The following AUH variants were observed in gnomAD, a reference collection of about 807,000 sequenced individuals.
AUH encodes methylglutaconyl-CoA hydratase, mitochondrial.
AUH carries 29 observed loss-of-function variants against 42.3 expected under a neutral mutation model. The observed-to-expected ratio is 0.69, with a 90% CI of 0.51 to 0.93. The LOEUF (loss-of-function observed/expected upper bound fraction) is 0.93. AUH is among the 40% of genes least tolerant of loss of function. The probability of loss-of-function intolerance (pLI) is 0.00; values close to 1 mark genes in which losing one functional copy is unlikely to be tolerated. For synonymous variants in AUH, 174 were observed against 166.4 expected, an observed-to-expected ratio of 1.05 and a Z score of -0.35; for missense variants, 452 against 438.1, an observed-to-expected ratio of 1.03 and a Z score of -0.28.
chr9:91,252,537 T>G (rs1434336359), intron 6 of AUH, among the ~76,000 whole-genome samples: 1 of 152,138 alleles, frequency 6.6e-6, no homozygotes, highest in Non-Finnish European at 1.5e-5. Context: ...CATCCATCAC[T>G]ACGCTACCTC....
intron 6 of AUH, among the ~76,000 whole-genome samples, chr9:91,287,227 T>G (rs568802642): frequency 6.6e-6 from 1 of 152,210 alleles, no homozygotes; most frequent in Admixed American, 6.5e-5. Context: ...AAATGAATAA[T>G]CTTAATTTAT....
intron 3 of AUH, among the ~76,000 whole-genome samples, chr9:91,340,604 T>C (rs1029914932): frequency 6.6e-6 from 1 of 152,212 alleles, no homozygotes; most frequent in Non-Finnish European, 1.5e-5. Context: ...CAAATGACAC[T>C]ATCACTGAAC....
At chr9:91,337,584 C>T (rs894229017) in intron 3 of AUH, among the ~76,000 whole-genome samples, 1 of 152,140 alleles carries the variant, frequency 6.6e-6, no homozygotes, top group Admixed American at 6.5e-5. Context: ...ATATGGGGCC[C>T]AGAACTGAAG....
chr9:91,232,290 T>C lies in AUH; in HGVS notation c.656-11298A>G, dbSNP rs114424859. Among the ~76,000 whole-genome samples the C allele has an allele frequency of 1.6e-3, 240 of 152,258 alleles. 1 individual carries two copies. The highest frequency in any genetic ancestry group is 5.4e-3 in the African/African-American group (223 of 41,546). On this transcript the variant is annotated intron_variant, in intron 6 of 9. Transcript: ENST00000375731. The stretch of plus-strand genomic sequence containing the variant: ...ACGGAGGCTGAGGCAGGAGGATTAT[T>C]TGAGCCTAGGAAGTGGATGCTACAG...
chr9:91,325,272 T>G (rs778786531), intron 4 of AUH, 46 bp downstream of exon 4: 2 of 1,498,544 alleles, frequency 1.3e-6, no homozygotes, highest in Non-Finnish European at 1.9e-6. Context: ...ATGTGACATT[T>G]AAGAACCCCT....
intron 6 of AUH, among the ~76,000 whole-genome samples, chr9:91,240,303 C>T (rs1828435683): frequency 6.6e-6 from 1 of 152,226 alleles, no homozygotes; most frequent in East Asian, 1.9e-4. Flanking sequence ...CCTTTGAGTG[C>T]TGTCTTGAGG....
At chr9:91,313,819 C>T (rs1218063862) in intron 4 of AUH, among the ~76,000 whole-genome samples, 1 of 131,090 alleles carries the variant, frequency 7.6e-6, no homozygotes, top group Non-Finnish European at 1.6e-5. Context: ...GGTCCATAAA[C>T]GCTCTTTTTT....
chr9:91,327,856 T>G (rs1260963249), intron 3 of AUH, among the ~76,000 whole-genome samples: 2 of 152,186 alleles, frequency 1.3e-5, no homozygotes, highest in African/African-American at 4.8e-5. Flanking sequence ...TGGTTTTATC[T>G]CTGAGTTTTT....
intron 3 of AUH, among the ~76,000 whole-genome samples, chr9:91,349,679 G>GACACAC (rs35888854): frequency 6.7e-6 from 1 of 149,070 alleles, no homozygotes; most frequent in African/African-American, 2.5e-5. Context: ...CAGAGAGACA[G>GACACAC]ACACACACAC....
intron 6 of AUH, among the ~76,000 whole-genome samples, chr9:91,272,003 A>G (rs1289764826): frequency 6.6e-6 from 1 of 152,172 alleles, no homozygotes; most frequent in Non-Finnish European, 1.5e-5. Flanking sequence ...CTAATTTTCT[A>G]TAATTCCAAG....
intron 7 of AUH, among the ~76,000 whole-genome samples, chr9:91,218,355 C>A (rs1020841295): frequency 6.6e-6 from 1 of 152,158 alleles, no homozygotes; most frequent in Non-Finnish European, 1.5e-5. Context: ...TAGACACCAC[C>A]ACCATTTTTT....
chr9:91,327,312 C>A (rs1564104670), intron 3 of AUH, among the ~76,000 whole-genome samples: 1 of 152,150 alleles, frequency 6.6e-6, no homozygotes, highest in Non-Finnish European at 1.5e-5. Context: ...AGTCTAAAAA[C>A]CGAGCTGCTG....
chr9:91,290,006 G>T (rs1253248233), intron 6 of AUH, among the ~76,000 whole-genome samples: 1 of 151,992 alleles, frequency 6.6e-6, no homozygotes. Flanking sequence ...TAACGAAAAT[G>T]AATCTGATTT....
intron 3 of AUH, among the ~76,000 whole-genome samples, chr9:91,351,035 C>T (rs941568243): frequency 1.8e-4 from 28 of 151,872 alleles, no homozygotes; most frequent in Middle Eastern, 3.4e-3. Flanking sequence ...TGCAGTGGCA[C>T]AATCACGGCT....
At chr9:91,248,055 G>T (rs1424252360) in intron 6 of AUH, among the ~76,000 whole-genome samples, 1 of 152,116 alleles carries the variant, frequency 6.6e-6, no homozygotes, top group East Asian at 1.9e-4. Context: ...TGTGGATCAT[G>T]TTCTTGGTGT....
At chr9:91,257,164 C>T (rs993128467) in intron 6 of AUH, among the ~76,000 whole-genome samples, 9 of 152,068 alleles carry the variant, frequency 5.9e-5, no homozygotes, top group South Asian at 2.1e-4. Context: ...AAAATGGTTA[C>T]GTTGATCTAG....
chr9:91,279,161 C>T (rs1488638883), intron 6 of AUH, among the ~76,000 whole-genome samples: 2 of 152,064 alleles, frequency 1.3e-5, no homozygotes, highest in East Asian at 1.9e-4. Flanking sequence ...GAAAAATTAT[C>T]GCAAACAACC....
In AUH at chr9:91,214,345, C is replaced by G. The variant is rs1416568987; in HGVS notation, c.*3G>C. ...ATTGGCATCTTAAGAATTTCTGTTCCTTTTATTCTCCTTTATAGCGAGGGG... is the reference window on the plus strand; with the variant it reads ...ATTGGCATCTTAAGAATTTCTGTTCGTTTTATTCTCCTTTATAGCGAGGGG... On this transcript the variant is annotated 3_prime_UTR_variant, in exon 10 of 10. Coordinates refer to ENST00000375731, the MANE Select transcript of AUH (RefSeq NM_001698.3). 1 of 1,603,518 alleles carries G rather than the reference C, an allele frequency of 6.2e-7. No individual in the cohort carries two copies. The highest frequency in any genetic ancestry group is 8.5e-7 in the Non-Finnish European group (1 of 1,173,202).
chr9:91,241,074 A>G (rs1405643159), intron 6 of AUH, among the ~76,000 whole-genome samples: 2 of 152,238 alleles, frequency 1.3e-5, no homozygotes, highest in Non-Finnish European at 2.9e-5. Context: ...TGATAATCTT[A>G]CAATACAGTT....
Sources: allele counts gnomAD v4.1 joint callset (sites outside exome capture counted in the v4.1 genomes callset), GRCh38; gene constraint gnomAD v4.1.1; transcripts MANE v1.5; gene names NCBI Gene and HGNC (gene_info 2026-07-23, HGNC 2026-07-21).